RYR1: variants seen among roughly 807,000 people sequenced by gnomAD.
The protein encoded by RYR1 is central core disease of muscle.
RYR1 carries 342 observed loss-of-function variants against 583.5 expected under a neutral mutation model. The ratio of observed to expected loss-of-function variants is 0.59; its 90% CI spans 0.54 to 0.64. The LOEUF (loss-of-function observed/expected upper bound fraction) is 0.64. Ranked by LOEUF, RYR1 falls within the 30% of genes least tolerant of loss-of-function variation. The probability of loss-of-function intolerance (pLI) is 0.00; values close to 1 mark genes in which losing one functional copy is unlikely to be tolerated. For missense variants in RYR1, 6,032 were observed against 6,917.2 expected (o/e 0.87, Z 4.54); for synonymous variants, 2,791 against 2,822.5 (o/e 0.99, Z 0.35).
chr19:38,560,687 C>G (rs774790088), intron 89 of RYR1, among the ~76,000 whole-genome samples: 7 of 145,636 alleles, frequency 4.8e-5, no homozygotes, highest in Non-Finnish European at 1.0e-4. Context: ...TGAGATCATG[C>G]CACTGCACTC....
chr19:38,510,380 C>A, intron 58 of RYR1, 118 bp from the exon 59 acceptor site: 1 of 976,634 alleles, frequency 1.0e-6, no homozygotes, highest in Non-Finnish European at 1.6e-6. Context: ...CAAATGACTT[C>A]ATACCAATAC....
In RYR1 at chr19:38,504,349, C is replaced by G; in HGVS notation, c.8056C>G (p.Leu2686Val). ...ACTCTTCTGGGGCATCTTTGACTCT[C>G]TGGCCCATAAGGTCTGGGCAGCAGG... ...RKLFWGIFDS[L>V]AHKKYDPELY... Residue 2686 changes from leucine to valine, a missense_variant, in exon 50 of 106, where the codon CTG (leucine) becomes GTG (valine). By Grantham distance (32) the Leu-to-Val change is conservative. This residue lies in a region of RYR1 where 1,493 missense variants were observed against 1,715.5 expected (regional missense o/e 0.87). Transcript: ENST00000359596. 1.2e-6 allele frequency: 2 copies of G among 1,614,180 alleles called. No individual in the cohort carries two copies. The highest frequency in any genetic ancestry group is 1.7e-6 in the Non-Finnish European group (2 of 1,180,040).
At chr19:38,571,964 G>A in intron 94 of RYR1, 55 bp from the exon 95 acceptor site, 1 of 1,612,660 alleles carries the variant, frequency 6.2e-7, no homozygotes, top group Non-Finnish European at 8.5e-7. Context: ...GCTCAATTTT[G>A]TGAGTGGGCT....
chr19:38,559,051 T>C (rs1973005323), intron 89 of RYR1, among the ~76,000 whole-genome samples: 2 of 151,820 alleles, frequency 1.3e-5, no homozygotes, highest in African/African-American at 4.8e-5. Flanking sequence ...ATCGTGCCAC[T>C]GCACTCTAGC....
intron 38 of RYR1, 62 bp downstream of exon 38, chr19:38,492,698 G>A: frequency 6.5e-7 from 1 of 1,533,702 alleles, no homozygotes; most frequent in Non-Finnish European, 8.9e-7. Context: ...TGCCTGCGGA[G>A]CCTCTGGGTC....
intron 78 of RYR1, among the ~76,000 whole-genome samples, chr19:38,533,153 C>CTGAGCAGAAGGA (rs1327643869): frequency 2.0e-5 from 3 of 151,968 alleles, no homozygotes; most frequent in Non-Finnish European, 1.5e-5. Flanking sequence ...GAGGGGACTT[C>CTGAGCAGAAGGA]TGAGCAGAAG....
intron 93 of RYR1, among the ~76,000 whole-genome samples, chr19:38,570,158 C>G (rs551550759): frequency 6.3e-4 from 95 of 151,774 alleles, no homozygotes; most frequent in African/African-American, 2.2e-3. Flanking sequence ...GAGACCTTGT[C>G]TCAAAAATAA....
chr19:38,499,386 T>A lies in RYR1; in HGVS notation c.7027+143T>A. On this transcript the variant is annotated intron_variant, in intron 43 of 105. Coordinates refer to ENST00000359596, the MANE Select transcript of RYR1 (RefSeq NM_000540.3). This position sits in a 1 kb window ranked among gnomAD's most constrained non-coding sequence, Gnocchi z 7.3. Reference sequence around the variant, plus strand: ...AGCAGGCCTGGGGCTGGCAGGGGCCTGTGTTACCCCTGGAGGTGTTGGGTC... The same window carrying A: ...AGCAGGCCTGGGGCTGGCAGGGGCCAGTGTTACCCCTGGAGGTGTTGGGTC... The A allele has an allele frequency of 7.2e-7, 1 of 1,388,180 alleles. No individual in the cohort carries two copies. The highest frequency in any genetic ancestry group is 1.0e-6 in the Non-Finnish European group (1 of 992,018). The allele number at this position is 1,388,180 out of a possible 1,614,324, so 86.0% of individuals were successfully genotyped here.
rs545579559 is a variant in RYR1 at position 38,467,811 on chromosome 19, G to A, written c.3380G>A (p.Arg1127His). The A allele has an allele frequency of 6.1e-5, 99 of 1,613,776 alleles. 1 individual carries two copies. In the South Asian group the frequency reaches 6.3e-4, roughly 10 times the overall value. ...DELAYVFNGHRGQRWHLGSEP... is the reference protein window; with the variant it reads ...DELAYVFNGHHGQRWHLGSEP... Reference sequence around the variant, plus strand: ...CTGGCCTATGTCTTCAATGGGCACCGCGTGGGTACCTCCCTGGGCACCATT... The same window carrying A: ...CTGGCCTATGTCTTCAATGGGCACCACGTGGGTACCTCCCTGGGCACCATT... Residue 1127 changes from arginine (R) to histidine (H), a missense_variant and splice_region_variant, in exon 25 of 106, where the codon CGC (arginine) becomes CAC (histidine). By Grantham distance (29) the Arg-to-His change is conservative. Coordinates refer to ENST00000359596, the MANE Select transcript of RYR1 (RefSeq NM_000540.3).
Position 38,433,755 on chromosome 19 carries a change from C to CCCA in RYR1, c.-75_-74insCCA. 1 of 709,494 alleles carries CCCA rather than the reference C, an allele frequency of 1.4e-6. No homozygotes were observed. 43.9% of individuals were successfully genotyped at this position (709,494 alleles called of 1,614,324 possible). A position where few individuals can be genotyped will look rare whatever the true frequency, so the allele number is the denominator to read the frequency against. On this transcript the variant is annotated 5_prime_UTR_variant, in exon 1 of 106. Coordinates refer to ENST00000359596, the MANE Select transcript of RYR1 (RefSeq NM_000540.3). ...GAGGTCTCCGACCCCAGCCCGCCCC[C>CCCA]AGCCCTCCCGCCCAGCCCGCAGCCC... is the stretch of plus-strand genomic sequence containing the variant.
At chr19:38,433,923 C>G in intron 1 of RYR1, 49 bp downstream of exon 1, 1 of 1,512,718 alleles carries the variant, frequency 6.6e-7, no homozygotes, top group Non-Finnish European at 9.2e-7. Flanking sequence ...TTGGGGCTCT[C>G]TGAGGGTCTC....
chr19:38,446,868 T>C, intron 9 of RYR1, 100 bp downstream of exon 9: 1 of 946,894 alleles, frequency 1.1e-6, no homozygotes, highest in South Asian at 1.5e-5. Context: ...ATAAAGAGAC[T>C]GAAGGGTCTC....
At chr19:38,546,345 A>G (rs904973132) in intron 87 of RYR1, 100 bp from the exon 88 acceptor site, 2 of 976,912 alleles carry the variant, frequency 2.0e-6, no homozygotes, top group Admixed American at 3.6e-5. Context: ...GAGGGGAGAA[A>G]ACGGGTTTAG....
Position 38,586,200 on chromosome 19 carries a change from A to G in RYR1, c.14969+9A>G. 2 of 1,612,510 alleles carry G rather than the reference A, an allele frequency of 1.2e-6. No homozygotes were observed. The highest frequency in any genetic ancestry group is 1.7e-6 in the Non-Finnish European group (2 of 1,179,174). ...AACCTGGCCAATTACATGTGAGCAG[A>G]CACACTGGCCAGTCAGGAGGGTGGG... On this transcript the variant is annotated intron_variant, in intron 104 of 105. Transcript: ENST00000359596.
chr19:38,441,022 GA>G (rs1972651696), intron 2 of RYR1, among the ~76,000 whole-genome samples, 158 bp downstream of exon 2: 2 of 150,990 alleles, frequency 1.3e-5, no homozygotes, highest in South Asian at 2.1e-4. Context: ...CTGAGGTGGG[GA>G]GGGGTGGAGG....
chr19:38,488,534 G>A (rs7252028), intron 34 of RYR1, among the ~76,000 whole-genome samples: 4 of 151,930 alleles, frequency 2.6e-5, no homozygotes, highest in South Asian at 2.1e-4. Context: ...CAGACTCTCC[G>A]TCTGTCATGC....
Position 38,500,656 on chromosome 19 carries a change from C to T in RYR1, c.7374C>T (p.Arg2458=). 3.1e-6 allele frequency: 5 copies of T among 1,614,026 alleles called. No individual in the cohort carries two copies. The South Asian group carries it at 5.5e-5, about 18-fold the overall frequency. The change falls in exon 46 of 106, where the codon CGC becomes CGT. Residue 2458 remains arginine (R), a synonymous_variant. Transcript: ENST00000359596. The surrounding 1 kb of genome is among the most constrained non-coding windows in gnomAD (Gnocchi z 5.9). ...GEALRIRAIL[R]SLVPLEDLVG... Reference sequence around the variant, plus strand: ...CCCTGCGGATCCGCGCCATCCTCCGCTCCCTTGTGCCCTTGGAGGACCTTG... The same window carrying T: ...CCCTGCGGATCCGCGCCATCCTCCGTTCCCTTGTGCCCTTGGAGGACCTTG...
chr19:38,510,445 C>T (rs888629209), intron 58 of RYR1, 53 bp from the exon 59 acceptor site: 134 of 1,588,476 alleles, frequency 8.4e-5, no homozygotes, highest in Middle Eastern at 1.7e-4. Context: ...ATCAGAACAC[C>T]CTGGGTTCCC....
intron 34 of RYR1, among the ~76,000 whole-genome samples, chr19:38,486,560 C>T (rs1247119043): frequency 1.3e-5 from 2 of 152,188 alleles, no homozygotes; most frequent in Non-Finnish European, 2.9e-5. Context: ...CCAGGCTGGT[C>T]TCAAACTCCT....
Sources: gnomAD v4.1 joint callset for allele counts (sites outside exome capture counted in the v4.1 genomes callset) on GRCh38, gnomAD v4.1.1 for gene constraint, gnomAD v4.1.1 regional missense constraint, Gnocchi (gnomAD v3.1) non-coding constraint, MANE v1.5 for transcripts, NCBI Gene and HGNC (gene_info 2026-07-23, HGNC 2026-07-21) for gene names.